The following TRDN variants were observed in gnomAD, a reference collection of about 807,000 sequenced individuals.
TRDN encodes the protein triadin in skeletal muscle.
A neutral mutation model predicts 149.7 loss-of-function variants in TRDN; 161 were observed. The observed-to-expected ratio is 1.08, with a 90% CI of 0.95 to 1.23. The LOEUF (loss-of-function observed/expected upper bound fraction) is 1.23. Ranked by LOEUF, TRDN falls within the 50% of genes most tolerant of loss-of-function variation. The probability of loss-of-function intolerance (pLI) is 0.00; values close to 1 mark genes in which losing one functional copy is unlikely to be tolerated. For missense variants in TRDN, 896 were observed against 823.5 expected (o/e 1.09, Z -1.08); for synonymous variants, 294 against 250.5 (o/e 1.17, Z -1.64).
At chr6:123,262,171 C>A (rs192638120) in intron 33 of TRDN, among the ~76,000 whole-genome samples, 9 of 151,726 alleles carry the variant, frequency 5.9e-5, no homozygotes, top group Admixed American at 1.3e-4. Context: ...ATAAAATGTA[C>A]CTCAGGGCTT....
intron 10 of TRDN, among the ~76,000 whole-genome samples, chr6:123,455,072 T>C (rs1374550651): frequency 6.6e-6 from 1 of 152,218 alleles, no homozygotes; most frequent in Non-Finnish European, 1.5e-5. Flanking sequence ...TGCCACCTTT[T>C]ACTTCATCAA....
chr6:123,232,373 C>G lies in TRDN; in HGVS notation c.1976-8242G>C, dbSNP rs6922194. On this transcript the variant is annotated intron_variant, in intron 38 of 40. Coordinates refer to ENST00000334268, the MANE Select transcript of TRDN (RefSeq NM_006073.4). ...AACGCTGTGTTGAACTTGAGGTTAG[C>G]TATTTGGGGAGACTGTTGGGGCAGA... is the stretch of plus-strand genomic sequence containing the variant. Among the ~76,000 whole-genome samples the G allele has an allele frequency of 8.7e-3, 1,324 of 152,020 alleles. 14 individuals are homozygous for G. The highest frequency in any genetic ancestry group is 0.03 in the African/African-American group (1,259 of 41,504).
intron 1 of TRDN, among the ~76,000 whole-genome samples, chr6:123,607,433 A>G (rs1334148512): frequency 2.0e-5 from 3 of 152,186 alleles, no homozygotes; most frequent in Non-Finnish European, 4.4e-5. Flanking sequence ...GTGATCATAT[A>G]CTTTCTCTAT....
intron 24 of TRDN, among the ~76,000 whole-genome samples, chr6:123,311,875 A>G (rs1466446803): frequency 6.6e-6 from 1 of 151,994 alleles, no homozygotes; most frequent in African/African-American, 2.4e-5. Context: ...CAAAAAAATC[A>G]TGAAATAGAC....
chr6:123,376,104 C>A (rs183782195), intron 18 of TRDN, among the ~76,000 whole-genome samples: 47 of 152,196 alleles, frequency 3.1e-4, no homozygotes, highest in African/African-American at 1.0e-3. Context: ...TAATTTCAAG[C>A]AATTTATTGT....
At chr6:123,434,651 A>C (rs1774478356) in intron 12 of TRDN, among the ~76,000 whole-genome samples, 1 of 152,194 alleles carries the variant, frequency 6.6e-6, no homozygotes, top group African/African-American at 2.4e-5. Flanking sequence ...ACTGAAGTCT[A>C]ATACAAACCT....
chr6:123,305,343 A>C (rs571619429), intron 24 of TRDN, among the ~76,000 whole-genome samples: 145 of 152,304 alleles, frequency 9.5e-4, no homozygotes, highest in Non-Finnish European at 1.9e-3. Context: ...AAGAAAAGCT[A>C]TAATACACCT....
At chr6:123,394,355 G>A (rs982014526) in intron 12 of TRDN, among the ~76,000 whole-genome samples, 1 of 151,718 alleles carries the variant, frequency 6.6e-6, no homozygotes, top group Non-Finnish European at 1.5e-5. Context: ...AATCAGAATG[G>A]GAAATAATGG....
intron 9 of TRDN, among the ~76,000 whole-genome samples, chr6:123,469,359 G>C (rs796360591): frequency 7.9e-5 from 12 of 152,276 alleles, no homozygotes; most frequent in African/African-American, 2.9e-4. Context: ...GGGATGGAAA[G>C]AGGAGACCCT....
At chr6:123,361,063 T>C (rs1780880910) in intron 20 of TRDN, among the ~76,000 whole-genome samples, 1 of 152,170 alleles carries the variant, frequency 6.6e-6, no homozygotes, top group South Asian at 2.1e-4. Context: ...GTCTTTATAG[T>C]AGAATGATTT....
At chr6:123,316,521 C>T (rs755786027) in intron 23 of TRDN, 26 bp from the exon 24 acceptor site, 55 of 1,604,032 alleles carry the variant, frequency 3.4e-5, no homozygotes, top group Non-Finnish European at 4.4e-5. Context: ...CACATAAACA[C>T]GTACAAACAA....
At chr6:123,409,594 A>G (rs1183802082) in intron 12 of TRDN, among the ~76,000 whole-genome samples, 1 of 152,106 alleles carries the variant, frequency 6.6e-6, no homozygotes. Flanking sequence ...CTGCTTATGT[A>G]TTGCAGTTAT....
chr6:123,319,320 C>T (rs764732875), intron 23 of TRDN, among the ~76,000 whole-genome samples: 1 of 151,570 alleles, frequency 6.6e-6, no homozygotes, highest in Non-Finnish European at 1.5e-5. Context: ...TTGAGCAGCT[C>T]TTTTATTAGG....
At chr6:123,474,304 T>C (rs1228585015) in intron 9 of TRDN, among the ~76,000 whole-genome samples, 1 of 152,002 alleles carries the variant, frequency 6.6e-6, no homozygotes, top group African/African-American at 2.4e-5. Context: ...TAGTCTCTGA[T>C]AAAACAGACT....
intron 1 of TRDN, among the ~76,000 whole-genome samples, chr6:123,602,970 T>G (rs1256177591): frequency 2.0e-5 from 3 of 152,258 alleles, no homozygotes; most frequent in Non-Finnish European, 4.4e-5. Context: ...TTTATGAGAT[T>G]ATGCAGCAGC....
chr6:123,523,370 A>C (rs962049610), intron 5 of TRDN, among the ~76,000 whole-genome samples: 1 of 152,108 alleles, frequency 6.6e-6, no homozygotes, highest in South Asian at 2.1e-4. Flanking sequence ...AGGGAGGAGG[A>C]GGCTGTATCT....
intron 12 of TRDN, among the ~76,000 whole-genome samples, chr6:123,399,804 A>C (rs953918564): frequency 1.3e-5 from 2 of 152,172 alleles, no homozygotes; most frequent in Non-Finnish European, 2.9e-5. Context: ...TTGTATTATT[A>C]AGACTTATCC....
intron 35 of TRDN, among the ~76,000 whole-genome samples, chr6:123,258,054 T>C (rs1208631599): frequency 6.6e-6 from 1 of 152,312 alleles, no homozygotes; most frequent in Non-Finnish European, 1.5e-5. Context: ...TGGGGTTTTC[T>C]AAATATACAA....
At chr6:123,531,441 T>C (rs1780249438) in intron 4 of TRDN, among the ~76,000 whole-genome samples, 1 of 152,106 alleles carries the variant, frequency 6.6e-6, no homozygotes, top group Non-Finnish European at 1.5e-5. Flanking sequence ...TGCATTTTTG[T>C]AGTTTTTCCA....
Sources: allele counts gnomAD v4.1 joint callset (sites outside exome capture counted in the v4.1 genomes callset), GRCh38; gene constraint gnomAD v4.1.1; transcripts MANE v1.5; gene names NCBI Gene and HGNC (gene_info 2026-07-23, HGNC 2026-07-21).